GPC5: variants seen among roughly 807,000 people sequenced by gnomAD.
GPC5 encodes glypican-5.
Under a neutral mutation model 53.9 loss-of-function variants are expected in GPC5, and 47 were observed. The ratio of observed to expected loss-of-function variants is 0.87; its 90% CI spans 0.69 to 1.11. GPC5 has a LOEUF of 1.11. GPC5 is among the 50% of genes most tolerant of loss of function. GPC5 has a pLI of 0.00. For missense variants in GPC5, 748 were observed against 713.1 expected (o/e 1.05, Z -0.56); for synonymous variants, 286 against 263.3 (o/e 1.09, Z -0.84).
intron 7 of GPC5, among the ~76,000 whole-genome samples, chr13:92,719,586 G>C (rs1027503333): frequency 2.6e-5 from 4 of 152,052 alleles, no homozygotes; most frequent in Non-Finnish European, 5.9e-5. Context: ...CCTAAAAATA[G>C]ATTTATTTTC....
At chr13:92,090,290 ATGAT>A (rs777339016) in intron 6 of GPC5, among the ~76,000 whole-genome samples, 9 of 152,168 alleles carry the variant, frequency 5.9e-5, no homozygotes, top group Admixed American at 1.3e-4. Context: ...TGTAGGCTGA[ATGAT>A]GGTGACCCCC....
chr13:92,410,670 G>A (rs1876001931), intron 7 of GPC5, among the ~76,000 whole-genome samples: 1 of 152,276 alleles, frequency 6.6e-6, no homozygotes, highest in Non-Finnish European at 1.5e-5. Context: ...GTGCCAAAAT[G>A]TTCGCAAGAC....
At chr13:92,809,998 A>G (rs1403865157) in intron 7 of GPC5, among the ~76,000 whole-genome samples, 1 of 152,068 alleles carries the variant, frequency 6.6e-6, no homozygotes, top group Non-Finnish European at 1.5e-5. Context: ...CTTCTGCAAC[A>G]CTTATTTAAT....
intron 7 of GPC5, among the ~76,000 whole-genome samples, chr13:92,568,802 G>A (rs1364349095): frequency 2.0e-5 from 3 of 152,080 alleles, no homozygotes; most frequent in African/African-American, 7.2e-5. Flanking sequence ...TGCACAGAGA[G>A]GTTAAGTTAC....
At chr13:92,185,325 T>C (rs1352577244) in intron 7 of GPC5, among the ~76,000 whole-genome samples, 1 of 152,202 alleles carries the variant, frequency 6.6e-6, no homozygotes, top group African/African-American at 2.4e-5. Flanking sequence ...TTGATCTTCA[T>C]GCTAGTATGG....
At chr13:92,203,199 G>A (rs1184755957) in intron 7 of GPC5, among the ~76,000 whole-genome samples, 3 of 151,654 alleles carry the variant, frequency 2.0e-5, no homozygotes, top group Non-Finnish European at 4.4e-5. Flanking sequence ...TATGTTTATT[G>A]CGGCACTATT....
At chr13:92,248,540 G>A (rs1442021176) in intron 7 of GPC5, among the ~76,000 whole-genome samples, 1 of 152,030 alleles carries the variant, frequency 6.6e-6, no homozygotes, top group Non-Finnish European at 1.5e-5. Context: ...CTCTTACATT[G>A]GGTTGTAGTA....
chr13:92,248,693 T>C (rs2042670498), intron 7 of GPC5, among the ~76,000 whole-genome samples: 1 of 152,158 alleles, frequency 6.6e-6, no homozygotes, highest in African/African-American at 2.4e-5. Context: ...AAACAATTAT[T>C]ATTTCTCAGT....
intron 7 of GPC5, among the ~76,000 whole-genome samples, chr13:92,439,174 G>T (rs1318737165): frequency 2.0e-5 from 3 of 152,156 alleles, no homozygotes; most frequent in Non-Finnish European, 4.4e-5. Flanking sequence ...TCAAGGAAAA[G>T]AAGTGCATAA....
chr13:92,850,402 C>A (rs1362100866), intron 7 of GPC5, among the ~76,000 whole-genome samples: 17 of 152,102 alleles, frequency 1.1e-4, no homozygotes, highest in Admixed American at 9.8e-4. Flanking sequence ...GAGCTCGAGA[C>A]CAGCATGGCC....
intron 5 of GPC5, among the ~76,000 whole-genome samples, chr13:91,812,314 AAC>A (rs1334735479): frequency 6.6e-6 from 1 of 152,174 alleles, no homozygotes; most frequent in African/African-American, 2.4e-5. Context: ...TGTTTTTTAA[AAC>A]ACATAAATTT....
chr13:92,578,849 G>C (rs1292716373), intron 7 of GPC5, among the ~76,000 whole-genome samples: 1 of 152,152 alleles, frequency 6.6e-6, no homozygotes, highest in Non-Finnish European at 1.5e-5. Context: ...ACTTGGCCTA[G>C]AAGATAACAC....
At chr13:92,405,169 G>T (rs1196457741) in intron 7 of GPC5, among the ~76,000 whole-genome samples, 1 of 131,466 alleles carries the variant, frequency 7.6e-6, no homozygotes, top group Admixed American at 8.0e-5. Context: ...CAGGGGCATG[G>T]GTGTCCCAGC....
At chr13:92,107,317 C>A (rs2041517950) in intron 6 of GPC5, among the ~76,000 whole-genome samples, 1 of 151,066 alleles carries the variant, frequency 6.6e-6, no homozygotes, top group Non-Finnish European at 1.5e-5. Context: ...TTTTTTCATT[C>A]AAATTGGCAG....
rs910127836 is a variant in GPC5, at chr13:91,416,929, C to T, written c.163+17720C>T. Among the ~76,000 whole-genome samples, 6 of 152,124 alleles carry T rather than the reference C, an allele frequency of 3.9e-5. No individual in the cohort carries two copies. The East Asian group carries it at 7.7e-4, about 20-fold the overall frequency. ...ATCATTGAGAAAACCAGTTTATTTT[C>T]GTTGGGAAAATGTTTTTTGACTTAG... On this transcript the variant is annotated intron_variant, in intron 1 of 7. Transcript: ENST00000377067.
intron 6 of GPC5, among the ~76,000 whole-genome samples, chr13:91,938,028 CTT>C (rs1396875433): frequency 6.6e-6 from 1 of 151,974 alleles, no homozygotes; most frequent in Non-Finnish European, 1.5e-5. Flanking sequence ...CAATGGGAAA[CTT>C]TGGAGATTTC....
chr13:91,959,802 C>A (rs1328839601), intron 6 of GPC5, among the ~76,000 whole-genome samples: 1 of 151,990 alleles, frequency 6.6e-6, no homozygotes, highest in Non-Finnish European at 1.5e-5. Flanking sequence ...GATGGTTCAA[C>A]ACTTGCAAAC....
intron 4 of GPC5, among the ~76,000 whole-genome samples, chr13:91,745,007 A>G (rs1482724691): frequency 1.3e-5 from 2 of 152,272 alleles, no homozygotes; most frequent in East Asian, 3.9e-4. Flanking sequence ...CTTTTGTGAT[A>G]GATGACCAAT....
At chr13:91,789,721 CAG>C (rs1431515769) in intron 5 of GPC5, among the ~76,000 whole-genome samples, 2 of 152,050 alleles carry the variant, frequency 1.3e-5, no homozygotes, top group African/African-American at 2.4e-5. Context: ...GTTGCTATAA[CAG>C]AATACTTGAG....
Sources: gnomAD v4.1 joint callset for allele counts (sites outside exome capture counted in the v4.1 genomes callset) on GRCh38, gnomAD v4.1.1 for gene constraint, MANE v1.5 for transcripts, NCBI Gene and HGNC (gene_info 2026-07-23, HGNC 2026-07-21) for gene names.